The following DNER variants were observed in gnomAD, a reference collection of about 807,000 sequenced individuals.
DNER encodes delta/notch like EGF repeat containing.
In DNER, 33 loss-of-function variants were observed where a neutral mutation model predicts 78.2. The ratio of observed to expected loss-of-function variants is 0.42; its 90% CI spans 0.32 to 0.56. The LOEUF is 0.56. DNER is among the 20% of genes least tolerant of loss of function. DNER has a pLI of 0.11. For missense variants in DNER, 918 were observed against 975.3 expected (o/e 0.94, Z 0.78); for synonymous variants, 417 against 384.8 (o/e 1.08, Z -0.98).
intron 1 of DNER, among the ~76,000 whole-genome samples, chr2:229,673,593 G>T (rs963458753): frequency 6.6e-6 from 1 of 151,756 alleles, no homozygotes; most frequent in African/African-American, 2.4e-5. Flanking sequence ...GTGTAACAGT[G>T]TAAGGTTTCT....
chr2:229,540,670 G>A (rs1313352967), intron 5 of DNER, among the ~76,000 whole-genome samples: 1 of 152,196 alleles, frequency 6.6e-6, no homozygotes, highest in East Asian at 1.9e-4. Flanking sequence ...GGACTTCCCA[G>A]AGCTTGAGCC....
At chr2:229,675,779 C>A (rs6713152) in intron 1 of DNER, among the ~76,000 whole-genome samples, 1,992 of 152,246 alleles carry the variant, frequency 0.013, 53 homozygotes, top group African/African-American at 0.045. Flanking sequence ...GGAAACCAGA[C>A]CCAGCTCTTC....
intron 11 of DNER, among the ~76,000 whole-genome samples, chr2:229,384,992 A>C (rs1559337156): frequency 1.3e-5 from 2 of 152,072 alleles, no homozygotes; most frequent in African/African-American, 4.8e-5. Flanking sequence ...CCTGATAAAC[A>C]TTGATGCAAA....
At chr2:229,362,289 C>T (rs747222688) in intron 12 of DNER, among the ~76,000 whole-genome samples, 3 of 152,164 alleles carry the variant, frequency 2.0e-5, no homozygotes, top group African/African-American at 4.8e-5. Context: ...GATGAGGAAA[C>T]AGACACTTAG....
Position 229,714,473 on chromosome 2 carries a change from C to G in DNER, c.-50G>C, listed in dbSNP as rs1285837334. Reference sequence around the variant, plus strand: ...CGGAGCCAGGACGCAGTGACGGCGGCGGCGGTGGCAGTGGCGACGAGAGCT... The same window carrying G: ...CGGAGCCAGGACGCAGTGACGGCGGGGGCGGTGGCAGTGGCGACGAGAGCT... On this transcript the variant is annotated 5_prime_UTR_variant, in exon 1 of 13. Transcript: ENST00000341772. The G allele has an allele frequency of 9.1e-7, 1 of 1,095,572 alleles. No homozygotes were observed. Among genetic ancestry groups the G allele is most frequent in the African/African-American group, 1.7e-5 (1 of 59,694 alleles). The allele number at this position is 1,095,572 out of a possible 1,614,324, so 67.9% of individuals were successfully genotyped here.
At position 229,477,136 on chromosome 2, in the gene DNER, T is replaced by A. The variant is rs763793731; in HGVS notation, c.1261+4A>T. 1.9e-5 allele frequency: 30 copies of A among 1,609,818 alleles called. No individual in the cohort carries two copies. Among genetic ancestry groups the A allele is most frequent in the Non-Finnish European group, 2.3e-5 (27 of 1,177,420 alleles). ...TTCTTTCTGGAGTAATAAATACTAA[T>A]TACCTTCTGGACACTGGCAGGTGAA... On this transcript the variant is annotated splice_donor_region_variant and intron_variant, in intron 7 of 12. Transcript: ENST00000341772.
intron 8 of DNER, among the ~76,000 whole-genome samples, chr2:229,423,522 C>A (rs575081197): frequency 6.6e-6 from 1 of 150,544 alleles, no homozygotes; most frequent in African/African-American, 2.4e-5. Flanking sequence ...GGCTGTGACA[C>A]ATGAATCACT....
intron 1 of DNER, among the ~76,000 whole-genome samples, chr2:229,687,053 A>C (rs1325031781): frequency 6.6e-6 from 1 of 152,182 alleles, no homozygotes; most frequent in African/African-American, 2.4e-5. Context: ...GCACTGATCA[A>C]TTTTGTGTCT....
At chr2:229,705,629 T>C (rs1036935635) in intron 1 of DNER, among the ~76,000 whole-genome samples, 2 of 152,164 alleles carry the variant, frequency 1.3e-5, no homozygotes, top group African/African-American at 4.8e-5. Context: ...AAAGCCACCA[T>C]GCCTGGGCTC....
chr2:229,506,540 T>C (rs1265924310), intron 6 of DNER, among the ~76,000 whole-genome samples: 1 of 150,458 alleles, frequency 6.6e-6, no homozygotes, highest in Non-Finnish European at 1.5e-5. Flanking sequence ...TTTATTATAC[T>C]TTAAGTTCTA....
intron 1 of DNER, among the ~76,000 whole-genome samples, chr2:229,699,078 T>A (rs1699705125): frequency 6.6e-6 from 1 of 152,192 alleles, no homozygotes; most frequent in Admixed American, 6.5e-5. Context: ...TTGAAGAACA[T>A]TGTTTGAAAT....
At chr2:229,698,947 G>A (rs1345024566) in intron 1 of DNER, among the ~76,000 whole-genome samples, 4 of 152,116 alleles carry the variant, frequency 2.6e-5, no homozygotes, top group Admixed American at 6.5e-5. Flanking sequence ...AAAACCCCTC[G>A]TCAGGAGAAA....
Position 229,624,936 on chromosome 2 carries a change from T to G in DNER, c.277-33048A>C, listed in dbSNP as rs142487071. ...TTCTATTACTTCTTTTTTAGTCAATTTCCTCAGATTTCAAATATGTAAGCA... is the reference window on the plus strand; with the variant it reads ...TTCTATTACTTCTTTTTTAGTCAATGTCCTCAGATTTCAAATATGTAAGCA... On this transcript the variant is annotated intron_variant, in intron 1 of 12. Coordinates refer to ENST00000341772, the MANE Select transcript of DNER (RefSeq NM_139072.4). Among the ~76,000 whole-genome samples, 63 of 152,360 alleles carry G rather than the reference T, an allele frequency of 4.1e-4. No homozygotes were observed. The East Asian group carries it at 0.012, about 29-fold the overall frequency.
chr2:229,395,192 A>G (rs1374973900), intron 10 of DNER, among the ~76,000 whole-genome samples: 1 of 152,178 alleles, frequency 6.6e-6, no homozygotes, highest in Non-Finnish European at 1.5e-5. Context: ...GCTGTGTGTA[A>G]TAACTGGCAG....
chr2:229,614,974 G>A (rs1329721982), intron 1 of DNER, among the ~76,000 whole-genome samples: 1 of 152,164 alleles, frequency 6.6e-6, no homozygotes, highest in Admixed American at 6.5e-5. Flanking sequence ...ACTAGGATTA[G>A]CAGTAACATT....
Position 229,407,360 on chromosome 2 carries a change from G to A in DNER, c.1610-15C>T, listed in dbSNP as rs897771920. ...ACAGTGTGTTCCTGCAGAGAAACAA[G>A]CAAAACAGGATGACTCATCCAGGAC... On this transcript the variant is annotated splice_polypyrimidine_tract_variant and intron_variant, in intron 9 of 12. Transcript: ENST00000341772. The A allele has an allele frequency of 6.2e-7, 1 of 1,608,342 alleles. No individual in the cohort carries two copies. Among genetic ancestry groups the A allele is most frequent in the Admixed American group, 1.7e-5 (1 of 59,926 alleles).
At position 229,606,880 on chromosome 2, in the gene DNER, G is replaced by A. The variant is rs560754276; in HGVS notation, c.277-14992C>T. On this transcript the variant is annotated intron_variant, in intron 1 of 12. Transcript: ENST00000341772. ...TTGCACTCCATCCTAGGCAACGAGA[G>A]CAAAACTCCATCTCAAACACCACCA... is the stretch of plus-strand genomic sequence containing the variant. Among the ~76,000 whole-genome samples, 96 of 152,186 alleles carry A rather than the reference G, an allele frequency of 6.3e-4. No homozygotes were observed. In the South Asian group the frequency reaches 0.019, roughly 30 times the overall value.
chr2:229,412,062 T>C (rs1693534993), intron 9 of DNER, among the ~76,000 whole-genome samples: 1 of 152,250 alleles, frequency 6.6e-6, no homozygotes, highest in African/African-American at 2.4e-5. Context: ...ATATATATAT[T>C]GTTGATCATT....
At chr2:229,650,072 C>CAAAAAAAAAAAAAAAA (rs34030074) in intron 1 of DNER, among the ~76,000 whole-genome samples, 1 of 93,166 alleles carries the variant, frequency 1.1e-5, no homozygotes, top group Non-Finnish European at 2.3e-5. Flanking sequence ...AAGACTCCGT[C>CAAAAAAAAAAAAAAAA]AAAAAAAAAA....
Sources: gnomAD v4.1 joint callset for allele counts (sites outside exome capture counted in the v4.1 genomes callset) on GRCh38, gnomAD v4.1.1 for gene constraint, MANE v1.5 for transcripts, NCBI Gene and HGNC (gene_info 2026-07-23, HGNC 2026-07-21) for gene names.